Variants in TCERG1 observed in about 807,000 individuals in gnomAD.
TCERG1 encodes TATA box binding protein (TBP)-associated factor, RNA polymerase II, S, 150kD.
TCERG1 carries 37 observed loss-of-function variants against 144.7 expected under a neutral mutation model. That is an observed-to-expected ratio of 0.26 (90% CI 0.20 to 0.34). The LOEUF is 0.34. Among genes scored for constraint, TCERG1 ranks in the 10% least tolerant of loss-of-function variants. TCERG1 has a pLI of 1.00. For synonymous variants in TCERG1, 492 were observed against 458.2 expected (o/e 1.07, Z -0.94); for missense variants, 1,027 against 1,380.7 (o/e 0.74, Z 4.06).
Position 146,510,725 on chromosome 5 carries a change from T to TTGACTAATGCA in TCERG1, c.*83_*84insTGACTAATGCA. 2 of 1,349,974 alleles carry TTGACTAATGCA rather than the reference T, an allele frequency of 1.5e-6. No homozygotes were observed. The highest frequency in any genetic ancestry group is 2.0e-6 in the Non-Finnish European group (2 of 989,586). 83.6% of individuals were successfully genotyped at this position (1,349,974 alleles called of 1,614,324 possible). On this transcript the variant is annotated 3_prime_UTR_variant, in exon 23 of 23. Coordinates refer to ENST00000679501, the MANE Select transcript of TCERG1 (RefSeq NM_001382548.1). ...AGGTTTTTACATATATGTGCATTAGTCAACCTATTGCGAAACCATCTGACA... is the reference window on the plus strand; with the variant it reads ...AGGTTTTTACATATATGTGCATTAGTTGACTAATGCACAACCTATTGCGAAACCATCTGACA...
intron 19 of TCERG1, 54 bp downstream of exon 19, chr5:146,504,060 A>G: frequency 7.3e-7 from 1 of 1,365,658 alleles, no homozygotes; most frequent in Non-Finnish European, 9.6e-7. Context: ...TTGGAAATTT[A>G]TTATGTTACT....
At position 146,507,220 on chromosome 5, in the gene TCERG1, T is replaced by C. The variant is rs1768084371; in HGVS notation, c.2961+13T>C. On this transcript the variant is annotated intron_variant, in intron 20 of 22. Coordinates refer to ENST00000679501, the MANE Select transcript of TCERG1 (RefSeq NM_001382548.1). The surrounding 1 kb of genome is among the most constrained non-coding windows in gnomAD (Gnocchi z 4.6). ...TGAAACTTCTGCAGTAAGAATCTCT[T>C]ATTTTTCTCATTTTAATCTGGATGA... 5.1e-6 allele frequency: 8 copies of C among 1,560,056 alleles called. No homozygotes were observed. The highest frequency in any genetic ancestry group is 6.9e-6 in the Non-Finnish European group (8 of 1,158,366).
chr5:146,490,955 T>G (rs891876391), intron 15 of TCERG1, among the ~76,000 whole-genome samples: 1 of 152,106 alleles, frequency 6.6e-6, no homozygotes, highest in African/African-American at 2.4e-5. Flanking sequence ...TTTTCTTGCC[T>G]TATGGGTGCA....
chr5:146,486,109 T>G (rs1765805932), intron 15 of TCERG1, among the ~76,000 whole-genome samples: 1 of 152,232 alleles, frequency 6.6e-6, no homozygotes, highest in Non-Finnish European at 1.5e-5. Flanking sequence ...ATACTTGGTT[T>G]TATTATTTGC....
At chr5:146,447,880 C>T (rs1762021579) in intron 1 of TCERG1, among the ~76,000 whole-genome samples, 1 of 152,272 alleles carries the variant, frequency 6.6e-6, no homozygotes, top group South Asian at 2.1e-4. Context: ...TCTTTGGGCT[C>T]CCCACGTTTG....
At chr5:146,473,088 G>A (rs943536848) in intron 9 of TCERG1, among the ~76,000 whole-genome samples, 1 of 152,198 alleles carries the variant, frequency 6.6e-6, no homozygotes, top group Non-Finnish European at 1.5e-5. Context: ...GCCGAGATAG[G>A]CTGAAAGCTA....
chr5:146,471,800 T>C (rs2150404402), intron 9 of TCERG1, among the ~76,000 whole-genome samples: 1 of 152,254 alleles, frequency 6.6e-6, no homozygotes, highest in South Asian at 2.1e-4. Flanking sequence ...GGTTTCACCA[T>C]GTTGGCCAGG....
Position 146,478,632 on chromosome 5 carries a change from A to G in TCERG1, c.1741A>G (p.Met581Val). 2 of 1,594,142 alleles carry G rather than the reference A, an allele frequency of 1.3e-6. No homozygotes were observed. The highest frequency in any genetic ancestry group is 1.7e-6 in the Non-Finnish European group (2 of 1,174,440). The change falls in exon 10 of 23, where the codon ATG becomes GTG. Residue 581 changes from methionine to valine, a missense_variant. By Grantham distance (21) the Met-to-Val change is conservative. This residue lies in a region of TCERG1 where 482 missense variants were observed against 632.6 expected (regional missense o/e 0.76). Coordinates refer to ENST00000679501, the MANE Select transcript of TCERG1 (RefSeq NM_001382548.1). Reference sequence around the variant, plus strand: ...TCAGGAGCCCCCTCATAAAAAAGGAATGGAGGAATTGAAGAAACTAAGTAA... The same window carrying G: ...TCAGGAGCCCCCTCATAAAAAAGGAGTGGAGGAATTGAAGAAACTAAGTAA... The part of the protein sequence containing the change: ...IIQEPPHKKG[M>V]EELKKLRHPT...
chr5:146,494,967 A>G (rs1032896129), intron 16 of TCERG1, among the ~76,000 whole-genome samples: 2 of 152,334 alleles, frequency 1.3e-5, no homozygotes, highest in East Asian at 3.9e-4. Context: ...GAAATAAGTC[A>G]TATGAAAACA....
chr5:146,454,189 G>GA (rs1294965739), intron 1 of TCERG1, among the ~76,000 whole-genome samples: 3 of 149,606 alleles, frequency 2.0e-5, no homozygotes, highest in Non-Finnish European at 4.4e-5. Context: ...AAGAGAGTGA[G>GA]ACTTGGTCTC....
At chr5:146,479,819 A>G (rs1299914680) in intron 10 of TCERG1, 36 bp from the exon 11 acceptor site, 15 of 1,611,062 alleles carry the variant, frequency 9.3e-6, no homozygotes, top group Middle Eastern at 1.7e-4. Flanking sequence ...ATATATGCAA[A>G]TGACTTTGTA....
intron 3 of TCERG1, among the ~76,000 whole-genome samples, chr5:146,458,089 A>G (rs183193277): frequency 1.3e-5 from 2 of 152,236 alleles, no homozygotes; most frequent in African/African-American, 4.8e-5. Flanking sequence ...ACCTCAGGTA[A>G]TCCCACCCGC....
Position 146,511,893 on chromosome 5 carries a change from A to G in TCERG1, c.*1251A>G, listed in dbSNP as rs1391085597. The G allele has an allele frequency of 6.6e-6, 1 of 151,658 alleles. No homozygotes were observed. The highest frequency in any genetic ancestry group is 2.4e-5 in the African/African-American group (1 of 41,284). 9.4% of individuals were successfully genotyped at this position (151,658 alleles called of 1,614,324 possible). A position where few individuals can be genotyped will look rare whatever the true frequency, so the allele number is the denominator to read the frequency against. On this transcript the variant is annotated 3_prime_UTR_variant, in exon 23 of 23. Coordinates refer to ENST00000679501, the MANE Select transcript of TCERG1 (RefSeq NM_001382548.1). Reference sequence around the variant, plus strand: ...GCTTTACCTCCCGAGTTAAAAAAAAATCTTTTTATTTTATGCCTTCATAGG... The same window carrying G: ...GCTTTACCTCCCGAGTTAAAAAAAAGTCTTTTTATTTTATGCCTTCATAGG...
chr5:146,459,249 T>C lies in TCERG1; in HGVS notation c.804T>C (p.Pro268=). The change falls in exon 4 of 23, where the codon CCT becomes CCC. Residue 268 remains proline, a synonymous_variant. Transcript: ENST00000679501. ...CCCCTACGACCAGTAGCCCAGCACC[T>C]GCAGTATCCACTTCAACATCATCAT... ...ASTPTTSSPA[P]AVSTSTSSST... 4 of 1,614,284 alleles carry C rather than the reference T, an allele frequency of 2.5e-6. No individual in the cohort carries two copies. Among genetic ancestry groups the C allele is most frequent in the Non-Finnish European group, 2.5e-6 (3 of 1,180,048 alleles).
chr5:146,473,327 T>C (rs899638704), intron 9 of TCERG1, among the ~76,000 whole-genome samples: 1 of 152,208 alleles, frequency 6.6e-6, no homozygotes, highest in Admixed American at 6.5e-5. Context: ...GTGAGAAAGC[T>C]GCAGAAGAAG....
chr5:146,452,225 A>G (rs184033734), intron 1 of TCERG1, among the ~76,000 whole-genome samples: 2 of 152,322 alleles, frequency 1.3e-5, no homozygotes, highest in East Asian at 3.9e-4. Context: ...CCTGGTAACG[A>G]GAGACTATAA....
At chr5:146,452,807 A>T (rs148519439) in intron 1 of TCERG1, among the ~76,000 whole-genome samples, 1 of 151,974 alleles carries the variant, frequency 6.6e-6, no homozygotes, top group South Asian at 2.1e-4. Context: ...GTCCAGGTTG[A>T]TGTTGAACTC....
rs1581377053 is a variant in TCERG1 at position 146,454,975 on chromosome 5, T to A, written c.60-81T>A. On this transcript the variant is annotated intron_variant, in intron 1 of 22. Coordinates refer to ENST00000679501, the MANE Select transcript of TCERG1 (RefSeq NM_001382548.1). Reference sequence around the variant, plus strand: ...ACTTAGACTTAAGAACCTTTTAAATTTGATGGATGTAATTAGAGATCAGTA... The same window carrying A: ...ACTTAGACTTAAGAACCTTTTAAATATGATGGATGTAATTAGAGATCAGTA... 4.8e-6 allele frequency: 7 copies of A among 1,445,738 alleles called. No individual in the cohort carries two copies. In the East Asian group the frequency reaches 1.6e-4, roughly 34 times the overall value. 89.6% of individuals were successfully genotyped at this position (1,445,738 alleles called of 1,614,324 possible). A position where few individuals can be genotyped will look rare whatever the true frequency, so the allele number is the denominator to read the frequency against.
intron 3 of TCERG1, among the ~76,000 whole-genome samples, chr5:146,458,470 G>A (rs933617670): frequency 9.3e-4 from 140 of 150,938 alleles, no homozygotes; most frequent in African/African-American, 3.2e-3. Flanking sequence ...GAGCCACCGC[G>A]CCCAGCTATT....
Sources: allele counts gnomAD v4.1 joint callset (sites outside exome capture counted in the v4.1 genomes callset), GRCh38; gene constraint gnomAD v4.1.1; regional missense constraint gnomAD v4.1.1; non-coding constraint Gnocchi (gnomAD v3.1); transcripts MANE v1.5; gene names NCBI Gene and HGNC (gene_info 2026-07-23, HGNC 2026-07-21).